Variants in ROBO2 observed in about 807,000 individuals in gnomAD.
ROBO2 encodes roundabout guidance receptor 2, also known as roundabout homolog 2.
Under a neutral mutation model 160.8 loss-of-function variants are expected in ROBO2, and 53 were observed. The ratio of observed to expected loss-of-function variants is 0.33; its 90% CI spans 0.26 to 0.41. The LOEUF (loss-of-function observed/expected upper bound fraction) is 0.41. Ranked by LOEUF, ROBO2 falls within the 10% of genes least tolerant of loss-of-function variation. ROBO2 has a pLI of 1.00. For synonymous variants in ROBO2, 664 were observed against 611.7 expected (o/e 1.09, Z -1.26); for missense variants, 1,577 against 1,722.4 (o/e 0.92, Z 1.49).
Position 76,132,407 on chromosome 3 carries a change from G to T in ROBO2, c.109+194805G>T, listed in dbSNP as rs1035973428. Among the ~76,000 whole-genome samples, 3 of 109,946 alleles carry T rather than the reference G, an allele frequency of 2.7e-5. 1 individual carries two copies. The highest frequency in any genetic ancestry group is 9.1e-5 in the African/African-American group (3 of 32,860). 72.1% of individuals were successfully genotyped at this position (109,946 alleles called of 152,430 possible). On this transcript the variant is annotated intron_variant, in intron 2 of 26. Transcript: ENST00000487694. ...ATTCCAGACTGTTGGGGGGGGGGGG[G>T]GACGCAGATGTTCAGCATAAACCAC...
chr3:76,750,842 C>A (rs1326282378), intron 2 of ROBO2, among the ~76,000 whole-genome samples: 6 of 151,968 alleles, frequency 3.9e-5, no homozygotes, highest in African/African-American at 9.7e-5. Flanking sequence ...GGTAGGAAGA[C>A]TCAATATCGT....
chr3:76,405,550 A>G lies in ROBO2; in HGVS notation c.109+467948A>G, dbSNP rs145388785. 8.6e-5 allele frequency among the ~76,000 whole-genome samples: 13 copies of G among 151,878 alleles called. No individual in the cohort carries two copies. In the East Asian group the frequency reaches 2.5e-3, roughly 29 times the overall value. On this transcript the variant is annotated intron_variant, in intron 2 of 26. Coordinates refer to the ROBO2 transcript ENST00000487694. ...CAGTCCATCATTCTTTCTATTAGTTAGCAAAGTCCTTCAACATGTTTTACT... is the reference window on the plus strand; with the variant it reads ...CAGTCCATCATTCTTTCTATTAGTTGGCAAAGTCCTTCAACATGTTTTACT...
chr3:77,343,077 AG>A (rs1189714176), intron 2 of ROBO2, among the ~76,000 whole-genome samples: 5 of 127,636 alleles, frequency 3.9e-5, no homozygotes, highest in African/African-American at 1.3e-4. Context: ...AGAGAGAGAG[AG>A]AGAGAGAGAA....
intron 6 of ROBO2, among the ~76,000 whole-genome samples, chr3:77,532,217 T>C (rs1461614997): frequency 6.6e-6 from 1 of 152,070 alleles, no homozygotes; most frequent in Non-Finnish European, 1.5e-5. Context: ...CTTCTTTCTT[T>C]TTTTTTCCTC....
At chr3:75,984,926 T>C (rs906343031) in intron 2 of ROBO2, among the ~76,000 whole-genome samples, 5 of 151,482 alleles carry the variant, frequency 3.3e-5, no homozygotes, top group African/African-American at 1.2e-4. Flanking sequence ...ACTTGGAACA[T>C]AAGGGTAATA....
chr3:77,327,097 C>T (rs1232709375), intron 2 of ROBO2, among the ~76,000 whole-genome samples: 2 of 152,050 alleles, frequency 1.3e-5, no homozygotes, highest in African/African-American at 2.4e-5. Context: ...ATTTAGAACT[C>T]GGGATAGAAT....
intron 5 of ROBO2, among the ~76,000 whole-genome samples, chr3:77,505,227 T>C (rs1245066271): frequency 2.0e-5 from 3 of 152,158 alleles, no homozygotes; most frequent in African/African-American, 7.2e-5. Context: ...AGTTTGGAAG[T>C]AGGCACACCT....
At chr3:76,915,076 CCTT>C (rs2076221987) in intron 2 of ROBO2, among the ~76,000 whole-genome samples, 1 of 152,150 alleles carries the variant, frequency 6.6e-6, no homozygotes. Context: ...TAATGTAACA[CCTT>C]CTTCTTTATA....
rs559345121 is a variant in ROBO2, at chr3:76,396,092, A to G, written c.109+458490A>G. Among the ~76,000 whole-genome samples the G allele has an allele frequency of 2.0e-5, 3 of 152,330 alleles. No individual in the cohort carries two copies. The South Asian group carries it at 6.2e-4, about 32-fold the overall frequency. On this transcript the variant is annotated intron_variant, in intron 2 of 26. Coordinates refer to the ROBO2 transcript ENST00000487694. Reference sequence around the variant, plus strand: ...TCCTCAGTAAAATTCTGGCAAACCGAATTCAGCAGCACATCAAAAAGCTCA... The same window carrying G: ...TCCTCAGTAAAATTCTGGCAAACCGGATTCAGCAGCACATCAAAAAGCTCA...
At chr3:77,156,142 C>G (rs1008377561) in intron 2 of ROBO2, among the ~76,000 whole-genome samples, 3 of 151,892 alleles carry the variant, frequency 2.0e-5, no homozygotes, top group Non-Finnish European at 2.9e-5. Context: ...CCAAACCGAA[C>G]TTATAACTTT....
chr3:77,484,585 C>G (rs1244941142), intron 4 of ROBO2, among the ~76,000 whole-genome samples: 13 of 151,124 alleles, frequency 8.6e-5, no homozygotes. Context: ...TCTAATTATT[C>G]TGGGATTTGT....
At chr3:76,408,531 T>C (rs2108813385) in intron 2 of ROBO2, among the ~76,000 whole-genome samples, 1 of 152,176 alleles carries the variant, frequency 6.6e-6, no homozygotes, top group African/African-American at 2.4e-5. Flanking sequence ...TCAAAAAATA[T>C]ACTTAAGCAA....
At chr3:77,468,804 G>A (rs2083053456) in intron 2 of ROBO2, among the ~76,000 whole-genome samples, 1 of 152,200 alleles carries the variant, frequency 6.6e-6, no homozygotes, top group Admixed American at 6.5e-5. Context: ...CTCAGTGAAT[G>A]TGCCTGTGCA....
intron 2 of ROBO2, among the ~76,000 whole-genome samples, chr3:77,146,473 T>G (rs2077130910): frequency 6.6e-6 from 1 of 152,124 alleles, no homozygotes; most frequent in Non-Finnish European, 1.5e-5. Flanking sequence ...TAAGACAAGA[T>G]TAATAATCAT....
intron 2 of ROBO2, among the ~76,000 whole-genome samples, chr3:76,800,992 TTAACC>T (rs1174717131): frequency 1.3e-5 from 2 of 152,204 alleles, no homozygotes; most frequent in Non-Finnish European, 2.9e-5. Context: ...CAATTTGGAA[TTAACC>T]TAAGTGTGCA....
intron 2 of ROBO2, among the ~76,000 whole-genome samples, chr3:76,021,582 A>C (rs562434395): frequency 1.3e-5 from 2 of 151,970 alleles, no homozygotes; most frequent in African/African-American, 4.8e-5. Context: ...CAAACATTGC[A>C]ATAAAGTGAG....
chr3:76,039,666 T>G (rs931130341), intron 2 of ROBO2, among the ~76,000 whole-genome samples: 12 of 152,058 alleles, frequency 7.9e-5, no homozygotes, highest in African/African-American at 2.9e-4. Flanking sequence ...ATTATCTGAC[T>G]AATAAGGAAG....
At chr3:77,482,198 T>C (rs2084785673) in intron 4 of ROBO2, among the ~76,000 whole-genome samples, 1 of 152,200 alleles carries the variant, frequency 6.6e-6, no homozygotes, top group Non-Finnish European at 1.5e-5. Flanking sequence ...AAAATATCAT[T>C]GTGATTTTCA....
rs985516698 is a variant in ROBO2 at position 76,509,231 on chromosome 3, C to T, written c.109+571629C>T. On this transcript the variant is annotated intron_variant, in intron 2 of 26. Coordinates refer to the ROBO2 transcript ENST00000487694. ...GGGCTCCTTCTGTTAAAACAGCTGA[C>T]TCTCAGTTGCAGGCAGCCCCACTCT... Among the ~76,000 whole-genome samples the T allele has an allele frequency of 1.6e-4, 24 of 152,288 alleles. No individual in the cohort carries two copies. In the Middle Eastern group the frequency reaches 0.014, roughly 86 times the overall value.
Sources: allele counts gnomAD v4.1 joint callset (sites outside exome capture counted in the v4.1 genomes callset), GRCh38; gene constraint gnomAD v4.1.1; transcripts MANE v1.5; gene names NCBI Gene and HGNC (gene_info 2026-07-23, HGNC 2026-07-21).